Variants in ROBO2 observed in about 807,000 individuals in gnomAD.
ROBO2 encodes roundabout guidance receptor 2, also known as roundabout homolog 2.
A neutral mutation model predicts 160.8 loss-of-function variants in ROBO2; 53 were observed. The observed-to-expected ratio is 0.33, with a 90% CI of 0.26 to 0.41. The LOEUF (loss-of-function observed/expected upper bound fraction) is 0.41. Ranked by LOEUF, ROBO2 falls within the 10% of genes least tolerant of loss-of-function variation. ROBO2 has a pLI of 1.00. For synonymous variants in ROBO2, 664 were observed against 611.7 expected (o/e 1.09, Z -1.26); for missense variants, 1,577 against 1,722.4 (o/e 0.92, Z 1.49).
chr3:76,091,308 C>T (rs181843099), intron 2 of ROBO2, among the ~76,000 whole-genome samples: 13 of 152,180 alleles, frequency 8.5e-5, no homozygotes, highest in Middle Eastern at 3.4e-3. Flanking sequence ...GATATAAAGA[C>T]GGAACATAAA....
At chr3:77,416,752 C>G (rs954174814) in intron 2 of ROBO2, among the ~76,000 whole-genome samples, 3 of 148,654 alleles carry the variant, frequency 2.0e-5, no homozygotes, top group Non-Finnish European at 4.5e-5. Context: ...GGAAATTTAT[C>G]TGCCTCCTGC....
chr3:77,119,606 C>T (rs1397161737), intron 2 of ROBO2, among the ~76,000 whole-genome samples: 1 of 152,180 alleles, frequency 6.6e-6, no homozygotes, highest in East Asian at 1.9e-4. Flanking sequence ...GATGCTTTCA[C>T]ATAGAAACGG....
At chr3:77,504,937 TAGCA>T (rs1292048170) in intron 5 of ROBO2, among the ~76,000 whole-genome samples, 3 of 152,216 alleles carry the variant, frequency 2.0e-5, no homozygotes, top group African/African-American at 7.2e-5. Flanking sequence ...ATAAGTGGAA[TAGCA>T]ATGGCTATTT....
At chr3:77,198,127 C>T (rs2082474848) in intron 2 of ROBO2, among the ~76,000 whole-genome samples, 1 of 152,164 alleles carries the variant, frequency 6.6e-6, no homozygotes, top group Admixed American at 6.5e-5. Flanking sequence ...GAATCGATTA[C>T]TACGGGCACA....
intron 2 of ROBO2, among the ~76,000 whole-genome samples, chr3:77,418,707 G>A (rs2077460735): frequency 6.6e-6 from 1 of 152,104 alleles, no homozygotes; most frequent in African/African-American, 2.4e-5. Flanking sequence ...CCAAGAACTA[G>A]TAATATGATG....
intron 2 of ROBO2, among the ~76,000 whole-genome samples, chr3:76,095,962 A>C (rs1226896686): frequency 2.0e-5 from 3 of 152,188 alleles, no homozygotes; most frequent in Non-Finnish European, 4.4e-5. Flanking sequence ...CATTAAGCTG[A>C]ACAAATATCA....
At chr3:76,986,854 G>T (rs940911516) in intron 2 of ROBO2, among the ~76,000 whole-genome samples, 1 of 151,380 alleles carries the variant, frequency 6.6e-6, no homozygotes, top group Non-Finnish European at 1.5e-5. Flanking sequence ...TATTAAAATC[G>T]ATAGGGAATA....
chr3:76,213,409 T>C (rs1263669807), intron 2 of ROBO2, among the ~76,000 whole-genome samples: 1 of 152,132 alleles, frequency 6.6e-6, no homozygotes, highest in Non-Finnish European at 1.5e-5. Flanking sequence ...GTGGATATGA[T>C]TGTTTCGCCA....
At chr3:76,324,072 A>C (rs2072807912) in intron 2 of ROBO2, among the ~76,000 whole-genome samples, 1 of 152,204 alleles carries the variant, frequency 6.6e-6, no homozygotes, top group Non-Finnish European at 1.5e-5. Flanking sequence ...CAGTTTTGGT[A>C]TTCTAGTAAG....
intron 6 of ROBO2, among the ~76,000 whole-genome samples, chr3:77,534,907 A>G (rs1424062939): frequency 6.6e-6 from 1 of 152,196 alleles, no homozygotes; most frequent in Non-Finnish European, 1.5e-5. Context: ...GTTAATTGAT[A>G]CACGCATATG....
At chr3:77,327,186 C>A (rs1474046568) in intron 2 of ROBO2, among the ~76,000 whole-genome samples, 1 of 152,042 alleles carries the variant, frequency 6.6e-6, no homozygotes, top group African/African-American at 2.4e-5. Context: ...TCAATGTAGC[C>A]GAATATACCT....
At chr3:76,105,614 C>T (rs1307409605) in intron 2 of ROBO2, among the ~76,000 whole-genome samples, 1 of 152,102 alleles carries the variant, frequency 6.6e-6, no homozygotes, top group African/African-American at 2.4e-5. Context: ...ATCTTGATAC[C>T]TGGCTTACAG....
At chr3:77,467,634 C>T (rs1219914716) in intron 2 of ROBO2, among the ~76,000 whole-genome samples, 1 of 128,932 alleles carries the variant, frequency 7.8e-6, no homozygotes, top group African/African-American at 2.6e-5. Context: ...TATCTATCAT[C>T]TATCTATCTA....
intron 6 of ROBO2, among the ~76,000 whole-genome samples, chr3:77,539,360 A>T (rs1042140343): frequency 2.6e-5 from 4 of 152,162 alleles, no homozygotes; most frequent in Admixed American, 2.6e-4. Context: ...ACTCTCTACA[A>T]AAGGGCGTAT....
At chr3:76,799,750 C>A (rs2064058318) in intron 2 of ROBO2, among the ~76,000 whole-genome samples, 1 of 152,016 alleles carries the variant, frequency 6.6e-6, no homozygotes, top group Non-Finnish European at 1.5e-5. Context: ...TATTTCATAT[C>A]CATAGATTGG....
chr3:76,308,773 T>A (rs1241435062), intron 2 of ROBO2, among the ~76,000 whole-genome samples: 1 of 152,200 alleles, frequency 6.6e-6, no homozygotes, highest in East Asian at 1.9e-4. Context: ...GCAACAGTGA[T>A]TTTGTTCTTC....
chr3:77,625,965 G>A (rs138049250), intron 23 of ROBO2, among the ~76,000 whole-genome samples: 2 of 152,196 alleles, frequency 1.3e-5, no homozygotes, highest in African/African-American at 4.8e-5. Flanking sequence ...AAAACAGAGG[G>A]TTTTAAAGCC....
intron 2 of ROBO2, among the ~76,000 whole-genome samples, chr3:76,416,226 T>C (rs1053997635): frequency 6.6e-6 from 1 of 152,126 alleles, no homozygotes; most frequent in Non-Finnish European, 1.5e-5. Context: ...ATCTTGGCCC[T>C]GAATGTCTAT....
chr3:77,602,501 G>T lies in ROBO2; in HGVS notation c.3136+10G>T, dbSNP rs1420414098. 6.2e-7 allele frequency: 1 copy of T among 1,613,990 alleles called. No individual in the cohort carries two copies. Among genetic ancestry groups the T allele is most frequent in the Non-Finnish European group, 8.5e-7 (1 of 1,179,916 alleles). ...AACAAAGGTAACAATGGTGAGTCAG[G>T]TTCTTGTGTCCTGAGGAGGTATTTT... On this transcript the variant is annotated intron_variant, in intron 20 of 25. Coordinates refer to ENST00000461745, the Ensembl canonical transcript of ROBO2.
Sources: gnomAD v4.1 joint callset for allele counts (sites outside exome capture counted in the v4.1 genomes callset) on GRCh38, gnomAD v4.1.1 for gene constraint, MANE v1.5 for transcripts, NCBI Gene and HGNC (gene_info 2026-07-23, HGNC 2026-07-21) for gene names.